TMEM255A: variants seen among roughly 807,000 people sequenced by gnomAD.
The protein encoded by TMEM255A is family with sequence similarity 70, member A.
A neutral mutation model predicts 23.5 loss-of-function variants in TMEM255A; 14 were observed. That is an observed-to-expected ratio of 0.60 (90% CI 0.39 to 0.93). The LOEUF (loss-of-function observed/expected upper bound fraction) is 0.93, where lower values mean the gene tolerates loss of function less well. Ranked by LOEUF, TMEM255A falls within the 40% of genes least tolerant of loss-of-function variation. The pLI is 0.00. For missense variants in TMEM255A, 233 were observed against 261.7 expected (o/e 0.89, Z 0.76); for synonymous variants, 104 against 100.3 (o/e 1.04, Z -0.22).
At chrX:120,281,868 T>C (rs1312688017) in intron 6 of TMEM255A, among the ~76,000 whole-genome samples, 1 of 112,061 alleles carries the variant, frequency 8.9e-6, no homozygotes, top group Admixed American at 9.4e-5. Context: ...GCCACCTTCC[T>C]GCATGAGGCT....
intron 2 of TMEM255A, among the ~76,000 whole-genome samples, chrX:120,302,539 A>C (rs2058040030): frequency 9.7e-6 from 1 of 103,136 alleles, no homozygotes; most frequent in Non-Finnish European, 2.0e-5. Context: ...TTAAAAATAA[A>C]ACCCAATTCT....
chrX:120,310,261 A>G (rs1339679435), intron 1 of TMEM255A: 1 of 112,114 alleles, frequency 8.9e-6, no homozygotes, highest in Non-Finnish European at 1.9e-5. Flanking sequence ...CCCGCTCTCC[A>G]GGGCTCCAAA....
chrX:120,268,469 T>C, intron 7 of TMEM255A, 82 bp from the exon 8 acceptor site: 1 of 704,264 alleles, frequency 1.4e-6, no homozygotes, highest in Non-Finnish European at 2.0e-6. Context: ...ATCTATACTA[T>C]GGAATACCAT....
In TMEM255A at chrX:120,260,775, TAA is replaced by T; in HGVS notation, c.*93_*94del. 1 of 1,098,534 alleles carries T rather than the reference TAA, an allele frequency of 9.1e-7. No individual in the cohort carries two copies. The highest frequency in any genetic ancestry group is 3.4e-4 in the Middle Eastern group (1 of 2,911). The allele number at this position is 1,098,534 out of a possible 1,213,427, so 90.5% of individuals were successfully genotyped here. Reference sequence around the variant, plus strand: ...GCAGGCCATTGTAAAACTTTATGCATAAGAGTCACACTTTAAATTTTGTACCC... The same window carrying T: ...GCAGGCCATTGTAAAACTTTATGCATGAGTCACACTTTAAATTTTGTACCC... On this transcript the variant is annotated 3_prime_UTR_variant, in exon 9 of 9. Coordinates refer to ENST00000371369, the MANE Select transcript of TMEM255A (RefSeq NM_001104544.3).
chrX:120,271,758 T>A (rs1556018834), intron 7 of TMEM255A, among the ~76,000 whole-genome samples: 1 of 109,692 alleles, frequency 9.1e-6, no homozygotes, highest in Non-Finnish European at 1.9e-5. Context: ...CAGCTAAAAC[T>A]ATAAAATTCT....
At chrX:120,285,105 G>A (rs1307656494) in intron 6 of TMEM255A, 22 bp downstream of exon 6, 1 of 1,170,184 alleles carries the variant, frequency 8.5e-7, no homozygotes, top group Non-Finnish European at 1.2e-6. Flanking sequence ...CATTATTCCT[G>A]TGTCTGGGCC....
At chrX:120,264,867 C>T (rs2057704659) in intron 8 of TMEM255A, among the ~76,000 whole-genome samples, 1 of 105,787 alleles carries the variant, frequency 9.5e-6, no homozygotes, top group Admixed American at 1.0e-4. Flanking sequence ...GTTTCCTGCC[C>T]TCTTGACTTT....
chrX:120,296,916 T>TTATATATCATATATATTATATATGA, intron 2 of TMEM255A, among the ~76,000 whole-genome samples: 1 of 2,721 alleles, frequency 3.7e-4, no homozygotes, highest in Admixed American at 8.2e-3. Context: ...TATATATATA[T>TTATATATCATATATATTATATATGA]TATATATAAT....
chrX:120,264,803 G>C (rs2057703973), intron 8 of TMEM255A, among the ~76,000 whole-genome samples: 2 of 109,699 alleles, frequency 1.8e-5, no homozygotes, highest in South Asian at 7.7e-4. Context: ...TTTATTGTCA[G>C]ATCTGGAGTG....
rs782478695 is a variant in TMEM255A at position 120,277,019 on chromosome X, C to T, written c.541G>A (p.Glu181Lys). The change falls in exon 7 of 9, where the codon GAA becomes AAA. Residue 181 changes from glutamate (E) to lysine (K), a missense_variant. By Grantham distance (56) the Glu-to-Lys change is moderately conservative. Transcript: ENST00000371369. Reference protein sequence around the residue: ...NRVEITGGYYEYIDVSSCQDI... With the variant: ...NRVEITGGYYKYIDVSSCQDI... ...TGGCAACTGCTGACATCGATGTATT[C>T]GTAGTACCCACCAGTGATCTCCACC... is the stretch of plus-strand genomic sequence containing the variant. 5.8e-6 allele frequency: 7 copies of T among 1,209,780 alleles called. No individual in the cohort carries two copies. Among genetic ancestry groups the T allele is most frequent in the South Asian group, 3.5e-5 (2 of 56,716 alleles).
At chrX:120,291,423 C>A (rs1295611247) in intron 3 of TMEM255A, 83 bp from the exon 4 acceptor site, 3 of 796,023 alleles carry the variant, frequency 3.8e-6, no homozygotes, top group Non-Finnish European at 5.5e-6. Context: ...CAAGAGACTT[C>A]CAGCCAAAGC....
rs201573550 is a variant in TMEM255A, at chrX:120,277,011, G to A, written c.549C>T (p.Ile183=). Residue 183 remains isoleucine, a synonymous_variant, in exon 7 of 9, where the codon ATC becomes ATT. Transcript: ENST00000371369. The part of the protein sequence containing the change: ...VEITGGYYEY[I]DVSSCQDIIH... ...TGATATCTTGGCAACTGCTGACATCGATGTATTCGTAGTACCCACCAGTGA... is the reference window on the plus strand; with the variant it reads ...TGATATCTTGGCAACTGCTGACATCAATGTATTCGTAGTACCCACCAGTGA... 3.1e-5 allele frequency: 38 copies of A among 1,208,444 alleles called. No homozygotes were observed. The Admixed American group carries it at 4.6e-4, about 15-fold the overall frequency.
intron 4 of TMEM255A, among the ~76,000 whole-genome samples, chrX:120,289,241 G>A (rs1172490741): frequency 4.5e-5 from 5 of 111,886 alleles, no homozygotes; most frequent in Admixed American, 2.8e-4. Flanking sequence ...TAAGCAGAAA[G>A]ATTTTCTTAA....
In TMEM255A at chrX:120,301,638, A is replaced by G. The variant is rs1480050770; in HGVS notation, c.201+2711T>C. On this transcript the variant is annotated intron_variant, in intron 2 of 8. Coordinates refer to ENST00000371369, the MANE Select transcript of TMEM255A (RefSeq NM_001104544.3). ...TCAACATTTATTACTTTTTCAATCA[A>G]AGGTTAGTTTATGAAAAGAAAATTC... Among the ~76,000 whole-genome samples the G allele has an allele frequency of 2.3e-4, 25 of 110,173 alleles. No individual in the cohort carries two copies. The Admixed American group carries it at 2.3e-3, about 10-fold the overall frequency.
downstream of TMEM255A, chrX:120,256,484 T>C (rs1157650044): frequency 8.2e-6 from 1 of 122,512 alleles, no homozygotes; most frequent in Non-Finnish European, 1.9e-5. Flanking sequence ...TCTAGTATTT[T>C]CCTTTCGGCA....
chrX:120,258,126 C>T (rs1198979335), downstream of TMEM255A: 1 of 123,154 alleles, frequency 8.1e-6, no homozygotes, highest in Non-Finnish European at 1.9e-5. Context: ...ATTTTTCCCC[C>T]ATTGTACCAA....
intron 1 of TMEM255A, chrX:120,309,882 T>C (rs1298968659): frequency 9.0e-6 from 1 of 111,673 alleles, no homozygotes; most frequent in Non-Finnish European, 1.9e-5. Context: ...TGTAAATAAC[T>C]ACGCCCTTAA....
At chrX:120,283,639 T>C (rs868924499) in intron 6 of TMEM255A, among the ~76,000 whole-genome samples, 2 of 111,783 alleles carry the variant, frequency 1.8e-5, no homozygotes, top group Non-Finnish European at 3.8e-5. Flanking sequence ...ATACCCTGCA[T>C]GGAGAGGTGT....
At position 120,304,359 on chromosome X, in the gene TMEM255A, G is replaced by T; in HGVS notation, c.191C>A (p.Pro64His). 1 of 1,209,359 alleles carries T rather than the reference G, an allele frequency of 8.3e-7. No individual in the cohort carries two copies. Among genetic ancestry groups the T allele is most frequent in the Non-Finnish European group, 1.1e-6 (1 of 894,419 alleles). ...TQNVTVGGYY[P>H]GVILGFGSFL... is the part of the protein sequence containing the mutation. ...GCCTTCTATACTTACAATAACTCCG[G>T]GGTAATAACCTCCTACAGTCACATT... Residue 64 changes from proline to histidine, a missense_variant, in exon 2 of 9, where the codon CCC (proline) becomes CAC (histidine). Physicochemically the swap from Pro to His is moderately conservative, Grantham distance 77. Transcript: ENST00000371369.
Sources: gnomAD v4.1 joint callset for allele counts (sites outside exome capture counted in the v4.1 genomes callset) on GRCh38, gnomAD v4.1.1 for gene constraint, MANE v1.5 for transcripts, NCBI Gene and HGNC (gene_info 2026-07-23, HGNC 2026-07-21) for gene names.